GUCY1A2: variants seen among roughly 807,000 people sequenced by gnomAD.
The protein encoded by GUCY1A2 is guanylate cyclase soluble subunit alpha-2.
In GUCY1A2, 27 loss-of-function variants were observed where a neutral mutation model predicts 63.5. The ratio of observed to expected loss-of-function variants is 0.43; its 90% CI spans 0.31 to 0.59. The LOEUF (loss-of-function observed/expected upper bound fraction) is 0.59, where lower values mean the gene tolerates loss of function less well. GUCY1A2 is among the 20% of genes least tolerant of loss of function. GUCY1A2 has a pLI of 0.11. For synonymous variants in GUCY1A2, 364 were observed against 343.5 expected (o/e 1.06, Z -0.66); for missense variants, 768 against 913.3 (o/e 0.84, Z 2.05).
At chr11:106,969,938 T>C (rs571453347) in intron 3 of GUCY1A2, among the ~76,000 whole-genome samples, 2 of 152,332 alleles carry the variant, frequency 1.3e-5, no homozygotes, top group East Asian at 1.9e-4. Context: ...TTTGTTTTGT[T>C]CTGTTTTGTT....
At chr11:106,790,437 C>T (rs1289041212) in intron 5 of GUCY1A2, among the ~76,000 whole-genome samples, 1 of 152,186 alleles carries the variant, frequency 6.6e-6, no homozygotes. Flanking sequence ...TACACAAGAG[C>T]AAGGCCTAGA....
At chr11:106,727,986 CACT>C (rs1275860472) in intron 6 of GUCY1A2, among the ~76,000 whole-genome samples, 1 of 152,172 alleles carries the variant, frequency 6.6e-6, no homozygotes, top group Non-Finnish European at 1.5e-5. Flanking sequence ...CCCAACTTCC[CACT>C]AATAATATCT....
chr11:106,789,488 G>C (rs1864621423), intron 5 of GUCY1A2, among the ~76,000 whole-genome samples: 1 of 152,090 alleles, frequency 6.6e-6, no homozygotes, highest in African/African-American at 2.4e-5. Flanking sequence ...TTAGTCGCTG[G>C]TGCTTTATTT....
At chr11:106,990,361 A>T (rs1277508952) in intron 1 of GUCY1A2, among the ~76,000 whole-genome samples, 1 of 152,254 alleles carries the variant, frequency 6.6e-6, no homozygotes, top group Non-Finnish European at 1.5e-5. Flanking sequence ...ACTAAATGTT[A>T]TGCTCAAGAA....
intron 4 of GUCY1A2, among the ~76,000 whole-genome samples, chr11:106,850,646 C>A (rs10890610): frequency 0.32 from 47,895 of 151,620 alleles, 8,153 homozygotes; most frequent in East Asian, 0.41. Context: ...AATATAATGT[C>A]CTCCAGGCTC....
At chr11:106,863,040 G>A (rs1859535329) in intron 4 of GUCY1A2, among the ~76,000 whole-genome samples, 1 of 152,056 alleles carries the variant, frequency 6.6e-6, no homozygotes, top group Admixed American at 6.6e-5. Flanking sequence ...CCCTCTCACT[G>A]CTTAGTCCTC....
intron 7 of GUCY1A2, among the ~76,000 whole-genome samples, chr11:106,703,751 A>C (rs1862858006): frequency 6.6e-6 from 1 of 152,038 alleles, no homozygotes; most frequent in South Asian, 2.1e-4. Flanking sequence ...ATTAGTAAGC[A>C]ATCACATATA....
intron 3 of GUCY1A2, among the ~76,000 whole-genome samples, chr11:106,947,609 C>T (rs1236868214): frequency 6.6e-6 from 1 of 151,888 alleles, no homozygotes; most frequent in Non-Finnish European, 1.5e-5. Flanking sequence ...AATACTTGAT[C>T]ATAAAAACCC....
chr11:106,900,993 G>T (rs1860125112), intron 4 of GUCY1A2, among the ~76,000 whole-genome samples: 1 of 152,118 alleles, frequency 6.6e-6, no homozygotes, highest in South Asian at 2.1e-4. Context: ...TTGCCATATT[G>T]ATTGACCCTT....
At chr11:106,968,732 T>C (rs1386341848) in intron 3 of GUCY1A2, among the ~76,000 whole-genome samples, 1 of 2,154 alleles carries the variant, frequency 4.6e-4, no homozygotes, top group East Asian at 0.17. Context: ...TCACATCCCA[T>C]ACCATTCCCT....
intron 3 of GUCY1A2, among the ~76,000 whole-genome samples, chr11:106,953,477 A>G (rs1250367096): frequency 1.3e-5 from 2 of 152,128 alleles, no homozygotes; most frequent in Non-Finnish European, 2.9e-5. Context: ...ATTGGCCTGA[A>G]GTTTTCTTTT....
intron 3 of GUCY1A2, among the ~76,000 whole-genome samples, chr11:106,948,822 G>A (rs1860865194): frequency 6.6e-6 from 1 of 152,088 alleles, no homozygotes; most frequent in Admixed American, 6.6e-5. Context: ...TTAATAAATG[G>A]CACTAGCCAT....
chr11:106,722,353 A>G (rs1299338385), intron 6 of GUCY1A2, among the ~76,000 whole-genome samples: 1 of 151,836 alleles, frequency 6.6e-6, no homozygotes, highest in East Asian at 1.9e-4. Context: ...GTATGTTGAG[A>G]TCCTCCCAAA....
At chr11:107,013,935 A>G (rs1024207717) in intron 1 of GUCY1A2, among the ~76,000 whole-genome samples, 19 of 151,812 alleles carry the variant, frequency 1.3e-4, no homozygotes, top group Non-Finnish European at 2.1e-4. Flanking sequence ...GTCTTTCCAA[A>G]TGCTCTGCAC....
rs1456910613 is a variant in GUCY1A2 at position 106,810,432 on chromosome 11, G to A, written c.1253C>T (p.Ser418Phe). 6.2e-7 allele frequency: 1 copy of A among 1,610,228 alleles called. No homozygotes were observed. Among genetic ancestry groups the A allele is most frequent in the Admixed American group, 1.7e-5 (1 of 59,218 alleles). Residue 418 changes from serine to phenylalanine, a missense_variant, in exon 5 of 8, where the codon TCC becomes TTC. Transcript: ENST00000526355. Reference protein sequence around the residue: ...GQMIHVPESNSILFLGSPCVD... With the variant: ...GQMIHVPESNFILFLGSPCVD... Reference sequence around the variant, plus strand: ...ACATGGAGAGCCCAAAAATAAAATGGAATTTGATTCTGGAACATGGATCAT... The same window carrying A: ...ACATGGAGAGCCCAAAAATAAAATGAAATTTGATTCTGGAACATGGATCAT...
intron 6 of GUCY1A2, among the ~76,000 whole-genome samples, chr11:106,712,463 C>T (rs544240559): frequency 1.3e-5 from 2 of 152,238 alleles, no homozygotes; most frequent in South Asian, 4.1e-4. Context: ...TCTGTTTCAG[C>T]TCTGTACCTA....
intron 4 of GUCY1A2, among the ~76,000 whole-genome samples, chr11:106,878,961 G>C (rs1301915519): frequency 2.0e-5 from 3 of 151,998 alleles, no homozygotes; most frequent in African/African-American, 4.8e-5. Flanking sequence ...TTAAGTTTGT[G>C]ATAATTTCGT....
chr11:106,726,527 A>G lies in GUCY1A2; in HGVS notation c.1837-17861T>C, dbSNP rs907136831. On this transcript the variant is annotated intron_variant, in intron 6 of 7. Transcript: ENST00000526355. Reference sequence around the variant, plus strand: ...TTGGCAGATTGTATTTCTGTTTTAGAGTATTAATATGGGCTACAGGATGGA... The same window carrying G: ...TTGGCAGATTGTATTTCTGTTTTAGGGTATTAATATGGGCTACAGGATGGA... 9.2e-5 allele frequency among the ~76,000 whole-genome samples: 14 copies of G among 152,324 alleles called. No individual in the cohort carries two copies. In the East Asian group the frequency reaches 2.7e-3, roughly 29 times the overall value.
At chr11:106,923,660 A>C (rs1179915411) in intron 4 of GUCY1A2, among the ~76,000 whole-genome samples, 2 of 152,168 alleles carry the variant, frequency 1.3e-5, no homozygotes, top group Non-Finnish European at 2.9e-5. Context: ...GCAAATATTG[A>C]CATATAAAAG....
Sources: gnomAD v4.1 joint callset for allele counts (sites outside exome capture counted in the v4.1 genomes callset) on GRCh38, gnomAD v4.1.1 for gene constraint, MANE v1.5 for transcripts, NCBI Gene and HGNC (gene_info 2026-07-23, HGNC 2026-07-21) for gene names.